TNK2: variants seen among roughly 807,000 people sequenced by gnomAD.
TNK2 encodes the protein activated CDC42 kinase 1.
A neutral mutation model predicts 101.8 loss-of-function variants in TNK2; 83 were observed. The ratio of observed to expected loss-of-function variants is 0.82; its 90% CI spans 0.68 to 0.98. The LOEUF (loss-of-function observed/expected upper bound fraction) is 0.98, where lower values mean the gene tolerates loss of function less well. TNK2 is among the 50% of genes least tolerant of loss of function. The pLI is 0.00. For synonymous variants in TNK2, 804 were observed against 633.0 expected (o/e 1.27, Z -4.06); for missense variants, 1,665 against 1,483.2 (o/e 1.12, Z -2.01).
At position 195,871,521 on chromosome 3, in the gene TNK2, GGGGTCACA is replaced by G. The variant is rs968744373; in HGVS notation, c.1451+747_1451+754del. Among the ~76,000 whole-genome samples, 242 of 152,112 alleles carry G rather than the reference GGGGTCACA, an allele frequency of 1.6e-3. 1 individual carries two copies. The highest frequency in any genetic ancestry group is 3.6e-3 in the African/African-American group (150 of 41,386). The stretch of plus-strand genomic sequence containing the variant: ...GAAGGAAAACCACTGCTCGTGTGCA[GGGGTCACA>G]GGGTCACAGGGTCACAGGGGGCCAC... On this transcript the variant is annotated intron_variant, in intron 10 of 15. Transcript: ENST00000672887.
Position 195,867,567 on chromosome 3 carries a change from G to C in TNK2, c.2731C>G (p.Pro911Ala). The C allele has an allele frequency of 1.3e-6, 2 of 1,573,944 alleles. No homozygotes were observed. Among genetic ancestry groups the C allele is most frequent in the Non-Finnish European group, 1.7e-6 (2 of 1,168,024 alleles). Residue 911 changes from proline (P) to alanine (A), a missense_variant, in exon 13 of 16, where the codon CCA becomes GCA. Physicochemically the swap from Pro to Ala is conservative, Grantham distance 27. Coordinates refer to ENST00000672887, the MANE Select transcript of TNK2 (RefSeq NM_001382273.1). Reference sequence around the variant, plus strand: ...GCGGCGGGGGCTGGGGTGCTGGGTGGGGGCAGCAGCAGAGGCACAGGCAGG... The same window carrying C: ...GCGGCGGGGGCTGGGGTGCTGGGTGCGGGCAGCAGCAGAGGCACAGGCAGG... ...TPLPVPLLLP[P>A]PSTPAPAAPT...
rs1157711218 is a variant in TNK2 at position 195,867,904 on chromosome 3, G to A, written c.2394C>T (p.Pro798=). 6.5e-7 allele frequency: 1 copy of A among 1,530,260 alleles called. No individual in the cohort carries two copies. Among genetic ancestry groups the A allele is most frequent in the African/African-American group, 1.4e-5 (1 of 71,878 alleles). The allele number at this position is 1,530,260 out of a possible 1,614,324, so 94.8% of individuals were successfully genotyped here. ...ASPPRVPPRE[P]LSPQGSRTPS... The stretch of plus-strand genomic sequence containing the variant: ...GTGTCCTCGAGCCTTGAGGGGACAG[G>A]GGCTCCCGCGGAGGCACCCGGGGAG... The change falls in exon 13 of 16, where the codon CCC becomes CCT. Residue 798 remains proline (P), a synonymous_variant. Coordinates refer to ENST00000672887, the MANE Select transcript of TNK2 (RefSeq NM_001382273.1).
In TNK2 at chr3:195,868,058, C is replaced by G. The variant is rs531444440; in HGVS notation, c.2240G>C (p.Gly747Ala). 3.7e-5 allele frequency: 59 copies of G among 1,602,112 alleles called. No homozygotes were observed. The highest frequency in any genetic ancestry group is 3.3e-4 in the Middle Eastern group (2 of 6,048). ...AGGCACCTGGGGCTTGTCGTCACCC[C>G]CCGGGCTGGGAGAGGGGGCCGGGGA... is the stretch of plus-strand genomic sequence containing the variant. ...AGSPAPSPSP[G>A]GDDKPQVPPR... Residue 747 changes from glycine to alanine, a missense_variant, in exon 13 of 16, where the codon GGG becomes GCG. Gly to Ala is a moderately conservative substitution (Grantham distance 60). Transcript: ENST00000672887.
intron 1 of TNK2, chr3:195,892,504 C>G: frequency 6.5e-7 from 1 of 1,534,004 alleles, no homozygotes; most frequent in Non-Finnish European, 8.7e-7. Context: ...CGCAGCGGGA[C>G]CCCCCCGAGC....
At chr3:195,896,346 G>A (rs1760503050) in intron 1 of TNK2, 2 of 312,560 alleles carry the variant, frequency 6.4e-6, no homozygotes, top group Admixed American at 4.6e-5. Context: ...TCCTCCCCAC[G>A]CAGCGTCAAG....
chr3:195,874,355 A>T lies in TNK2; in HGVS notation c.1257-1885T>A, dbSNP rs190043911. On this transcript the variant is annotated intron_variant, in intron 9 of 15. Coordinates refer to ENST00000672887, the MANE Select transcript of TNK2 (RefSeq NM_001382273.1). The stretch of plus-strand genomic sequence containing the variant: ...ACTTCTGAGAGGGAAAGGAGACATC[A>T]AGCCCACCTCCCTTAGTGCAGGTAT... Among the ~76,000 whole-genome samples, 510 of 152,326 alleles carry T rather than the reference A, an allele frequency of 3.3e-3. 2 individuals are homozygous for T. Among genetic ancestry groups the T allele is most frequent in the Non-Finnish European group, 3.9e-3 (266 of 68,014 alleles).
chr3:195,871,628 C>T (rs1745386880), intron 10 of TNK2, among the ~76,000 whole-genome samples: 1 of 152,138 alleles, frequency 6.6e-6, no homozygotes, highest in Non-Finnish European at 1.5e-5. Flanking sequence ...TTCCTAAGGC[C>T]CGAGTACCAA....
intron 1 of TNK2, among the ~76,000 whole-genome samples, chr3:195,897,518 G>C (rs928739148): frequency 2.0e-5 from 3 of 152,164 alleles, no homozygotes; most frequent in African/African-American, 7.2e-5. Context: ...TTGTTTGTTT[G>C]TTTGAGATAG....
In TNK2 at chr3:195,888,357, C is replaced by G; in HGVS notation, c.163+69G>C. 1 of 1,539,054 alleles carries G rather than the reference C, an allele frequency of 6.5e-7. No homozygotes were observed. Among genetic ancestry groups the G allele is most frequent in the Non-Finnish European group, 8.9e-7 (1 of 1,127,390 alleles). On this transcript the variant is annotated intron_variant, in intron 2 of 15. Transcript: ENST00000672887. The surrounding 1 kb of genome is among the most constrained non-coding windows in gnomAD (Gnocchi z 5.3). ...GAGTTCTCAGCTGCCACCCGTGCAC[C>G]GAGTGGTCCTGAGGACAGAGGACGG...
chr3:195,885,101 G>T lies in TNK2; in HGVS notation c.235-68C>A. 1 of 1,442,710 alleles carries T rather than the reference G, an allele frequency of 6.9e-7. No individual in the cohort carries two copies. The highest frequency in any genetic ancestry group is 2.4e-5 in the East Asian group (1 of 42,452). 89.4% of individuals were successfully genotyped at this position (1,442,710 alleles called of 1,614,324 possible). A position where few individuals can be genotyped will look rare whatever the true frequency, so the allele number is the denominator to read the frequency against. ...AGGGTCAGTCACTCAGTCCCACCCC[G>T]CTGGGTCCACCTGGTGATCCCCGGC... is the stretch of plus-strand genomic sequence containing the variant. On this transcript the variant is annotated intron_variant, in intron 3 of 15. Coordinates refer to ENST00000672887, the MANE Select transcript of TNK2 (RefSeq NM_001382273.1). This position sits in a 1 kb window ranked among gnomAD's most constrained non-coding sequence, Gnocchi z 4.7.
rs537763720 is a variant in TNK2, at chr3:195,867,498, G to A, written c.2800C>T (p.Pro934Ser). 4.5e-6 allele frequency: 7 copies of A among 1,566,042 alleles called. No individual in the cohort carries two copies. Among genetic ancestry groups the A allele is most frequent in the Admixed American group, 3.6e-5 (2 of 55,752 alleles). ...TTGTTGGTGGAGAAGTTGGCCTTGG[G>A]GTCCAAGGCAGCCTGGGGCATCGGC... Reference protein sequence around the residue: ...VRPMPQAALDPKANFSTNNSN... With the variant: ...VRPMPQAALDSKANFSTNNSN... Residue 934 changes from proline (P) to serine (S), a missense_variant, in exon 13 of 16, where the codon CCC becomes TCC. By Grantham distance (74) the Pro-to-Ser change is moderately conservative. Transcript: ENST00000672887.
intron 1 of TNK2, among the ~76,000 whole-genome samples, chr3:195,900,765 G>A (rs912406318): frequency 3.3e-5 from 5 of 152,224 alleles, no homozygotes; most frequent in Non-Finnish European, 7.3e-5. Context: ...GCACTGTCAC[G>A]GCACGGGGGC....
rs984211755 is a variant in TNK2 at position 195,877,677 on chromosome 3, G to A, written c.1256+576C>T. 6.6e-5 allele frequency among the ~76,000 whole-genome samples: 10 copies of A among 152,154 alleles called. No individual in the cohort carries two copies. The East Asian group carries it at 1.2e-3, about 18-fold the overall frequency. ...GCCTCAGGGCAGGCGCTAGAACTGC[G>A]GGGGCTCAGGTGGAAGACAGGGACT... On this transcript the variant is annotated intron_variant, in intron 9 of 15. Coordinates refer to ENST00000672887, the MANE Select transcript of TNK2 (RefSeq NM_001382273.1).
chr3:195,866,988 C>T lies in TNK2; in HGVS notation c.3062G>A (p.Arg1021Gln), dbSNP rs899560469. 5.6e-6 allele frequency: 9 copies of T among 1,613,212 alleles called. No homozygotes were observed. Among genetic ancestry groups the T allele is most frequent in the African/African-American group, 4.0e-5 (3 of 75,054 alleles). ...CACTTTGTGGCACTCCCCTCTGGGCCGCAGACCCAGCCCGAAGAGCTGCTC... is the reference window on the plus strand; with the variant it reads ...CACTTTGTGGCACTCCCCTCTGGGCTGCAGACCCAGCCCGAAGAGCTGCTC... Reference protein sequence around the residue: ...KVEQLFGLGLRPRGECHKVLE... With the variant: ...KVEQLFGLGLQPRGECHKVLE... Residue 1021 changes from arginine to glutamine, a missense_variant, in exon 15 of 16, where the codon CGG (arginine) becomes CAG (glutamine). By Grantham distance (43) the Arg-to-Gln change is conservative. Coordinates refer to ENST00000672887, the MANE Select transcript of TNK2 (RefSeq NM_001382273.1).
At position 195,888,692 on chromosome 3, in the gene TNK2, A is replaced by G. The variant is rs1757159118; in HGVS notation, c.-18-86T>C. On this transcript the variant is annotated intron_variant, in intron 1 of 15. Transcript: ENST00000672887. The surrounding 1 kb of genome is among the most constrained non-coding windows in gnomAD (Gnocchi z 5.3). ...AGTGACCTGGGCTCACCTTCATCCC[A>G]CTACACGGCCACCCGGAAGGGCTCA... is the stretch of plus-strand genomic sequence containing the variant. The G allele has an allele frequency of 7.7e-7, 1 of 1,305,532 alleles. No individual in the cohort carries two copies. The highest frequency in any genetic ancestry group is 1.0e-6 in the Non-Finnish European group (1 of 967,310). 80.9% of individuals were successfully genotyped at this position (1,305,532 alleles called of 1,614,324 possible).
intron 6 of TNK2, 88 bp downstream of exon 6, chr3:195,881,963 C>G (rs996042430): frequency 6.7e-7 from 1 of 1,494,450 alleles, no homozygotes; most frequent in East Asian, 2.3e-5. Context: ...CAAGCAAAAC[C>G]AGGGGCTGTG....
chr3:195,889,228 G>T (rs1157105421), intron 1 of TNK2, among the ~76,000 whole-genome samples: 1 of 152,084 alleles, frequency 6.6e-6, no homozygotes, highest in Non-Finnish European at 1.5e-5. Flanking sequence ...GGCCTGCGGT[G>T]GGCTCGCAGA....
chr3:195,885,340 G>A lies in TNK2; in HGVS notation c.235-307C>T, dbSNP rs1755129294. 8.0e-6 allele frequency: 11 copies of A among 1,378,660 alleles called. No homozygotes were observed. The highest frequency in any genetic ancestry group is 1.4e-5 in the African/African-American group (1 of 69,350). The allele number at this position is 1,378,660 out of a possible 1,614,324, so 85.4% of individuals were successfully genotyped here. On this transcript the variant is annotated intron_variant, in intron 3 of 15. Coordinates refer to ENST00000672887, the MANE Select transcript of TNK2 (RefSeq NM_001382273.1). This position sits in a 1 kb window ranked among gnomAD's most constrained non-coding sequence, Gnocchi z 4.7. Reference sequence around the variant, plus strand: ...GAGAGGGAGGGCACCGCCCAGCCAAGGTCGGAGTCTCCTCCCAGTCCTGCC... The same window carrying A: ...GAGAGGGAGGGCACCGCCCAGCCAAAGTCGGAGTCTCCTCCCAGTCCTGCC...
chr3:195,871,156 C>T (rs978679417), intron 10 of TNK2, among the ~76,000 whole-genome samples: 3 of 146,726 alleles, frequency 2.0e-5, no homozygotes, highest in African/African-American at 7.7e-5. Flanking sequence ...AATCCCCCTG[C>T]GGCCAGCAGA....
Sources: allele counts gnomAD v4.1 joint callset (sites outside exome capture counted in the v4.1 genomes callset), GRCh38; gene constraint gnomAD v4.1.1; non-coding constraint Gnocchi (gnomAD v3.1); transcripts MANE v1.5; gene names NCBI Gene and HGNC (gene_info 2026-07-23, HGNC 2026-07-21).